Variants in OR3A2 observed in about 807,000 individuals in gnomAD.
The protein encoded by OR3A2 is olfactory receptor family 3 subfamily A member 2.
For synonymous variants in OR3A2, 126 were observed against 159.3 expected (o/e 0.79, Z 1.57); for missense variants, 318 against 392.8 (o/e 0.81, Z 1.61).
chr17:3,288,185 T>C (rs1242600707), upstream of OR3A2, among the ~76,000 whole-genome samples: 2 of 147,894 alleles, frequency 1.4e-5, no homozygotes, highest in African/African-American at 5.0e-5. Flanking sequence ...AGAATTACCA[T>C]TTTAAAACAG....
At chr17:3,318,548 C>T (rs945683798) in intron 3 of OR3A2, among the ~76,000 whole-genome samples, 4 of 152,192 alleles carry the variant, frequency 2.6e-5, no homozygotes, top group African/African-American at 7.2e-5. Flanking sequence ...CACCCCAGAA[C>T]TTCCTTGTTC....
chr17:3,370,634 A>ATTTTT (rs142431057), intron 2 of OR3A2, among the ~76,000 whole-genome samples: 1 of 148,374 alleles, frequency 6.7e-6, no homozygotes, highest in Non-Finnish European at 1.5e-5. Context: ...GTTCTTTCGG[A>ATTTTT]TTTTTTTTTT....
At chr17:3,361,509 G>A (rs1380877647) in intron 2 of OR3A2, among the ~76,000 whole-genome samples, 2 of 151,678 alleles carry the variant, frequency 1.3e-5, no homozygotes, top group African/African-American at 4.9e-5. Flanking sequence ...CAAAGAGAAT[G>A]CTTCCAGATT....
chr17:3,362,587 A>G (rs1229041487), intron 2 of OR3A2, among the ~76,000 whole-genome samples: 2 of 151,502 alleles, frequency 1.3e-5, no homozygotes, highest in East Asian at 1.9e-4. Context: ...ACACTGCTTT[A>G]AATGTGTACC....
intron 2 of OR3A2, among the ~76,000 whole-genome samples, chr17:3,368,782 G>A (rs1257998791): frequency 6.6e-6 from 1 of 152,050 alleles, no homozygotes; most frequent in Non-Finnish European, 1.5e-5. Flanking sequence ...GAATAATGAT[G>A]GTACTTTGGT....
chr17:3,367,174 A>C (rs993136737), intron 2 of OR3A2, among the ~76,000 whole-genome samples: 1 of 152,002 alleles, frequency 6.6e-6, no homozygotes, highest in Non-Finnish European at 1.5e-5. Context: ...TTCCATTTAC[A>C]AGTTCTGTGA....
chr17:3,334,879 G>C (rs1382851997), intron 3 of OR3A2, among the ~76,000 whole-genome samples: 2 of 152,128 alleles, frequency 1.3e-5, no homozygotes, highest in Non-Finnish European at 2.9e-5. Context: ...ATTGTGAAGT[G>C]AATATTTTAA....
intron 3 of OR3A2, among the ~76,000 whole-genome samples, chr17:3,326,273 T>C (rs547021430): frequency 1.1e-4 from 16 of 152,226 alleles, no homozygotes; most frequent in African/African-American, 2.2e-4. Context: ...ATCTTTATAA[T>C]AGAATGATTT....
At chr17:3,373,040 T>C (rs1174072590) in intron 2 of OR3A2, among the ~76,000 whole-genome samples, 3 of 152,220 alleles carry the variant, frequency 2.0e-5, no homozygotes, top group African/African-American at 2.4e-5. Flanking sequence ...TTAATTTCCA[T>C]CATGATTTTA....
intron 3 of OR3A2, among the ~76,000 whole-genome samples, chr17:3,313,451 CT>C (rs1221855163): frequency 5.3e-5 from 8 of 152,376 alleles, no homozygotes; most frequent in Non-Finnish European, 7.3e-5. Context: ...GAGCCCTGGG[CT>C]CCTCCCTAAC....
rs1375356225 is a variant in OR3A2, at chr17:3,366,559, G to GA, written c.-179+17244dup. 1.1e-4 allele frequency among the ~76,000 whole-genome samples: 17 copies of GA among 152,232 alleles called. No individual in the cohort carries two copies. The East Asian group carries it at 2.3e-3, about 21-fold the overall frequency. On this transcript the variant is annotated intron_variant, in intron 2 of 4. Coordinates refer to the OR3A2 transcript ENST00000573491. ...AAAGCTTCACTGGGCAACAGCAACA[G>GA]AAAAAACAGAAGTATGATTAACAAC...
intron 3 of OR3A2, among the ~76,000 whole-genome samples, chr17:3,319,536 C>T (rs1431872835): frequency 3.9e-5 from 6 of 152,026 alleles, no homozygotes; most frequent in Non-Finnish European, 7.4e-5. Flanking sequence ...ATCCCACCAC[C>T]CCACAACAGT....
At chr17:3,315,087 C>T in intron 3 of OR3A2, among the ~76,000 whole-genome samples, 1 of 152,154 alleles carries the variant, frequency 6.6e-6, no homozygotes, top group East Asian at 1.9e-4. Flanking sequence ...CAGCTCACCA[C>T]TGATGGGTAC....
intron 2 of OR3A2, among the ~76,000 whole-genome samples, chr17:3,350,966 T>C (rs1227913820): frequency 2.6e-5 from 4 of 151,828 alleles, no homozygotes; most frequent in Admixed American, 6.6e-5. Context: ...AGAAAAGGCC[T>C]TTGACAAAAT....
intron 3 of OR3A2, among the ~76,000 whole-genome samples, chr17:3,318,065 C>T (rs535040532): frequency 1.3e-5 from 2 of 152,122 alleles, no homozygotes; most frequent in Non-Finnish European, 2.9e-5. Flanking sequence ...AACAGGGTCT[C>T]GGGAGATATC....
chr17:3,367,379 C>T (rs2150662298), intron 2 of OR3A2, among the ~76,000 whole-genome samples: 1 of 151,908 alleles, frequency 6.6e-6, no homozygotes, highest in South Asian at 2.1e-4. Flanking sequence ...CCTTCCCTCC[C>T]AAGTCCCCAG....
intron 3 of OR3A2, among the ~76,000 whole-genome samples, chr17:3,299,027 C>A (rs903434931): frequency 6.6e-6 from 1 of 152,138 alleles, no homozygotes; most frequent in Admixed American, 6.5e-5. Flanking sequence ...AAGAGGCCTC[C>A]CCTCCAACTC....
chr17:3,375,990 C>G (rs2049679879), intron 2 of OR3A2, among the ~76,000 whole-genome samples: 1 of 152,154 alleles, frequency 6.6e-6, no homozygotes, highest in South Asian at 2.1e-4. Flanking sequence ...AGTACCTGCT[C>G]TGGTGGAGGT....
chr17:3,340,860 T>G, intron 2 of OR3A2, among the ~76,000 whole-genome samples: 1 of 152,168 alleles, frequency 6.6e-6, no homozygotes, highest in Non-Finnish European at 1.5e-5. Context: ...ATGTTGACAG[T>G]GGGGTGTTAA....
Sources: gnomAD v4.1 joint callset for allele counts (sites outside exome capture counted in the v4.1 genomes callset) on GRCh38, gnomAD v4.1.1 for gene constraint, MANE v1.5 for transcripts, NCBI Gene and HGNC (gene_info 2026-07-23, HGNC 2026-07-21) for gene names.